NUP214: variants seen among roughly 807,000 people sequenced by gnomAD.
The protein encoded by NUP214 is nuclear pore complex protein Nup214.
In NUP214, 79 loss-of-function variants were observed where a neutral mutation model predicts 196.2. The ratio of observed to expected loss-of-function variants is 0.40; its 90% CI spans 0.34 to 0.49. The LOEUF is 0.49. Ranked by LOEUF, NUP214 falls within the 20% of genes least tolerant of loss-of-function variation. NUP214 has a pLI of 0.58. For synonymous variants in NUP214, 1,020 were observed against 990.5 expected (o/e 1.03, Z -0.56); for missense variants, 2,468 against 2,539.0 (o/e 0.97, Z 0.60).
chr9:131,208,256 T>C (rs1834137987), intron 30 of NUP214, among the ~76,000 whole-genome samples: 1 of 152,176 alleles, frequency 6.6e-6, no homozygotes, highest in African/African-American at 2.4e-5. Context: ...AAAAAGGGAT[T>C]CGAACAAATA....
In NUP214 at chr9:131,195,178, G is replaced by A. The variant is rs768778512; in HGVS notation, c.3660-55G>A. ...GAATGATAAAATGGAATATTAAGAG[G>A]GCAATATTGTGCCTTGGTTTGTTCC... On this transcript the variant is annotated intron_variant, in intron 27 of 35. Coordinates refer to ENST00000359428, the MANE Select transcript of NUP214 (RefSeq NM_005085.4). 212 of 1,208,022 alleles carry A rather than the reference G, an allele frequency of 1.8e-4. 1 individual carries two copies. Among genetic ancestry groups the A allele is most frequent in the Non-Finnish European group, 2.3e-4 (193 of 823,212 alleles). The allele number at this position is 1,208,022 out of a possible 1,614,324, so 74.8% of individuals were successfully genotyped here.
chr9:131,157,309 C>T (rs1005101304), intron 17 of NUP214, among the ~76,000 whole-genome samples: 11 of 151,962 alleles, frequency 7.2e-5, no homozygotes, highest in Non-Finnish European at 1.0e-4. Flanking sequence ...TACAGGCACA[C>T]GCCACCATGT....
At chr9:131,213,614 T>C (rs1226199507) in intron 30 of NUP214, among the ~76,000 whole-genome samples, 1 of 152,332 alleles carries the variant, frequency 6.6e-6, no homozygotes, top group Non-Finnish European at 1.5e-5. Flanking sequence ...ACCTTCCACA[T>C]GCATGCATTC....
Position 131,222,908 on chromosome 9 carries a change from G to A in NUP214, c.5880G>A (p.Gly1960=). 6.2e-7 allele frequency: 1 copy of A among 1,614,034 alleles called. No individual in the cohort carries two copies. The highest frequency in any genetic ancestry group is 8.5e-7 in the Non-Finnish European group (1 of 1,179,964). The stretch of plus-strand genomic sequence containing the variant: ...GAAGTGTGGCATCCCAAGGCTTTGG[G>A]TTTTCCTCTCCAAACAAAACAGGTA... The part of the protein sequence containing the change: ...GGGSVASQGF[G]FSSPNKTGGF... The change falls in exon 32 of 36, where the codon GGG becomes GGA. Residue 1960 remains glycine (G), a synonymous_variant. Transcript: ENST00000359428.
Position 131,198,552 on chromosome 9 carries a change from T to G in NUP214, c.5058T>G (p.Phe1686Leu), listed in dbSNP as rs750123532. The G allele has an allele frequency of 3.1e-6, 5 of 1,614,092 alleles. No individual in the cohort carries two copies. In the African/African-American group the frequency reaches 5.3e-5, roughly 17 times the overall value. ...QVAASTAPSL[F>L]GQQTGSTAST... Reference sequence around the variant, plus strand: ...CAGCCAGCACCGCACCAAGTCTGTTTGGGCAGCAGACTGGTAGCACAGCCA... The same window carrying G: ...CAGCCAGCACCGCACCAAGTCTGTTGGGGCAGCAGACTGGTAGCACAGCCA... The change falls in exon 29 of 36, where the codon TTT becomes TTG. Residue 1686 changes from phenylalanine to leucine, a missense_variant. Physicochemically the swap from Phe to Leu is conservative, Grantham distance 22 (BLOSUM62 0). This residue lies in a region of NUP214 where 1,801 missense variants were observed against 1,779.4 expected (regional missense o/e 1.01). Transcript: ENST00000359428.
chr9:131,177,679 CT>C (rs1833155048), intron 23 of NUP214, among the ~76,000 whole-genome samples: 1 of 152,046 alleles, frequency 6.6e-6, no homozygotes, highest in African/African-American at 2.4e-5. Context: ...TCCTTAATTG[CT>C]AATTATAGAA....
At position 131,133,149 on chromosome 9, in the gene NUP214, G is replaced by A. The variant is rs764766659; in HGVS notation, c.771G>A (p.Val257=). 4.4e-6 allele frequency: 7 copies of A among 1,608,584 alleles called. No homozygotes were observed. The highest frequency in any genetic ancestry group is 4.0e-5 in the African/African-American group (3 of 74,392). ...TTGGTACCTACGTCTTCGCCATAGTGTATGCTGCTGCAGATGGGACCCTGG... is the reference window on the plus strand; with the variant it reads ...TTGGTACCTACGTCTTCGCCATAGTATATGCTGCTGCAGATGGGACCCTGG... ...LWIGTYVFAI[V]YAAADGTLET... The change falls in exon 7 of 36, where the codon GTG becomes GTA. Residue 257 remains valine (V), a synonymous_variant. Coordinates refer to ENST00000359428, the MANE Select transcript of NUP214 (RefSeq NM_005085.4).
chr9:131,183,141 G>A (rs184868634), intron 24 of NUP214, among the ~76,000 whole-genome samples: 11 of 152,342 alleles, frequency 7.2e-5, no homozygotes, highest in Non-Finnish European at 2.9e-5. Context: ...CTGGAGTGCA[G>A]TGGTGCGATT....
intron 30 of NUP214, among the ~76,000 whole-genome samples, chr9:131,214,918 A>G (rs1360465365): frequency 6.6e-6 from 1 of 152,164 alleles, no homozygotes. Context: ...TGACCCTGGC[A>G]TTGTGTCAAA....
At position 131,175,444 on chromosome 9, in the gene NUP214, T is replaced by C; in HGVS notation, c.3158-16T>C. The C allele has an allele frequency of 6.2e-7, 1 of 1,613,966 alleles. No individual in the cohort carries two copies. Among genetic ancestry groups the C allele is most frequent in the Non-Finnish European group, 8.5e-7 (1 of 1,179,856 alleles). ...TTCTCTCACCCACTCACACTTAATT[T>C]TTCTTTTCCTCTTAGTGGCTACATC... is the stretch of plus-strand genomic sequence containing the variant. On this transcript the variant is annotated splice_polypyrimidine_tract_variant and intron_variant, in intron 22 of 35. Coordinates refer to ENST00000359428, the MANE Select transcript of NUP214 (RefSeq NM_005085.4).
Position 131,144,262 on chromosome 9 carries a change from C to CT in NUP214, c.1295-11dup, listed in dbSNP as rs768090428. On this transcript the variant is annotated splice_polypyrimidine_tract_variant and intron_variant, in intron 11 of 35. Coordinates refer to ENST00000359428, the MANE Select transcript of NUP214 (RefSeq NM_005085.4). ...TGTTACAGTGTTAACATTTTCCTTC[C>CT]TTTTTTTGTCACTGCAGGAAGTACT... 161 of 1,588,584 alleles carry CT rather than the reference C, an allele frequency of 1.0e-4. No individual in the cohort carries two copies. Among genetic ancestry groups the CT allele is most frequent in the South Asian group, 2.2e-4 (20 of 90,008 alleles).
At chr9:131,191,197 CTCA>C (rs1210983999) in intron 26 of NUP214, 1 of 151,950 alleles carries the variant, frequency 6.6e-6, no homozygotes, top group Non-Finnish European at 1.5e-5. Context: ...GGCCTGGTGG[CTCA>C]TGTCTGTAAT....
At position 131,187,876 on chromosome 9, in the gene NUP214, T is replaced by C. The variant is rs117141466; in HGVS notation, c.3495+512T>C. Among the ~76,000 whole-genome samples the C allele has an allele frequency of 6.8e-3, 1,038 of 152,354 alleles. 24 individuals are homozygous for C. Among genetic ancestry groups the C allele is most frequent in the East Asian group, 0.039 (204 of 5,186 alleles). The stretch of plus-strand genomic sequence containing the variant: ...CAGTCAGGACCTGATACTGTCTTCA[T>C]AGGCCATTTAAACATTCTGCACCTA... On this transcript the variant is annotated intron_variant, in intron 25 of 35. Transcript: ENST00000359428.
At chr9:131,137,368 T>A (rs531688939) in intron 9 of NUP214, among the ~76,000 whole-genome samples, 57 of 152,274 alleles carry the variant, frequency 3.7e-4, no homozygotes, top group African/African-American at 1.3e-3. Context: ...AAAAATCTGC[T>A]TTATAACTAG....
In NUP214 at chr9:131,164,101, C is replaced by G. The variant is rs766398976; in HGVS notation, c.2850C>G (p.Phe950Leu). The change falls in exon 21 of 36, where the codon TTC becomes TTG. Residue 950 changes from phenylalanine (F) to leucine (L), a missense_variant. Phe to Leu is a conservative substitution (Grantham distance 22). Transcript: ENST00000359428. ...SPMKQAQLRNFLAKRKTPPVR... is the reference protein window; with the variant it reads ...SPMKQAQLRNLLAKRKTPPVR... Reference sequence around the variant, plus strand: ...TGAAACAGGCACAACTGAGAAACTTCTTGGCCAAGAGGAAGACCCCACCAG... The same window carrying G: ...TGAAACAGGCACAACTGAGAAACTTGTTGGCCAAGAGGAAGACCCCACCAG... 1 of 1,614,014 alleles carries G rather than the reference C, an allele frequency of 6.2e-7. No homozygotes were observed. The highest frequency in any genetic ancestry group is 1.3e-5 in the African/African-American group (1 of 74,900).
Position 131,216,050 on chromosome 9 carries a change from G to A in NUP214, c.5749+682G>A, listed in dbSNP as rs12349799. On this transcript the variant is annotated intron_variant, in intron 31 of 35. Transcript: ENST00000359428. Reference sequence around the variant, plus strand: ...CCCAGGTAGCTGGGATTACAGGCACGTGCTATCACGCCTGGCTGATTTTTA... The same window carrying A: ...CCCAGGTAGCTGGGATTACAGGCACATGCTATCACGCCTGGCTGATTTTTA... Among the ~76,000 whole-genome samples the A allele has an allele frequency of 1.9e-3, 286 of 151,434 alleles. 1 individual carries two copies. Among genetic ancestry groups the A allele is most frequent in the African/African-American group, 6.6e-3 (273 of 41,256 alleles).
intron 24 of NUP214, among the ~76,000 whole-genome samples, chr9:131,182,690 G>A (rs1297066017): frequency 2.6e-5 from 4 of 152,130 alleles, no homozygotes; most frequent in South Asian, 4.2e-4. Flanking sequence ...TTTTAATTGG[G>A]GTGATTAGAT....
intron 3 of NUP214, 102 bp downstream of exon 3, chr9:131,128,585 C>T: frequency 4.0e-6 from 4 of 1,002,164 alleles, no homozygotes; most frequent in Non-Finnish European, 5.6e-6. Context: ...CTTGAAGTTT[C>T]TCTCTAGATT....
intron 32 of NUP214, among the ~76,000 whole-genome samples, chr9:131,223,746 T>A (rs1158343685): frequency 1.1e-4 from 8 of 75,000 alleles, no homozygotes; most frequent in African/African-American, 3.5e-4. Flanking sequence ...TTTTTTTTTT[T>A]TTTTTTGAGA....
Sources: allele counts gnomAD v4.1 joint callset (sites outside exome capture counted in the v4.1 genomes callset), GRCh38; gene constraint gnomAD v4.1.1; regional missense constraint gnomAD v4.1.1; transcripts MANE v1.5; gene names NCBI Gene and HGNC (gene_info 2026-07-23, HGNC 2026-07-21).